The following DCC variants were observed in gnomAD, a reference collection of about 807,000 sequenced individuals.
The protein encoded by DCC is netrin receptor DCC.
A neutral mutation model predicts 172.5 loss-of-function variants in DCC; 58 were observed. That is an observed-to-expected ratio of 0.34 (90% confidence interval 0.27 to 0.42). The LOEUF is 0.42. Among genes scored for constraint, DCC ranks in the 10% least tolerant of loss-of-function variants. The probability of loss-of-function intolerance (pLI) is 1.00; values close to 1 mark genes in which losing one functional copy is unlikely to be tolerated. For missense variants in DCC, 1,740 were observed against 1,791.0 expected, an observed-to-expected ratio of 0.97 and a Z score of 0.51; for synonymous variants, 709 against 644.5, an observed-to-expected ratio of 1.10 and a Z score of -1.52.
chr18:52,377,857 C>T (rs1758979734), intron 1 of DCC, among the ~76,000 whole-genome samples: 3 of 151,926 alleles, frequency 2.0e-5, no homozygotes, highest in Admixed American at 2.0e-4. Context: ...CATGCATGCA[C>T]CGCCACTAAT....
chr18:52,636,516 C>T (rs1409329998), intron 1 of DCC, among the ~76,000 whole-genome samples: 1 of 152,134 alleles, frequency 6.6e-6, no homozygotes, highest in Non-Finnish European at 1.5e-5. Flanking sequence ...GTGAGACCAG[C>T]CCTTTGGTTT....
At chr18:52,581,268 G>A (rs1421885188) in intron 1 of DCC, among the ~76,000 whole-genome samples, 1 of 135,570 alleles carries the variant, frequency 7.4e-6, no homozygotes, top group Non-Finnish European at 1.7e-5. Context: ...ACATGGATTG[G>A]CATCACTGCT....
At chr18:53,023,395 TCAGACCA>T (rs2041909851) in intron 5 of DCC, among the ~76,000 whole-genome samples, 1 of 34,954 alleles carries the variant, frequency 2.9e-5, no homozygotes, top group Non-Finnish European at 5.1e-5. Flanking sequence ...CATATATAAC[TCAGACCA>T]AAAAAAAAAA....
chr18:53,234,005 C>T (rs546846819), intron 12 of DCC, among the ~76,000 whole-genome samples: 1 of 152,230 alleles, frequency 6.6e-6, no homozygotes, highest in African/African-American at 2.4e-5. Flanking sequence ...AGTCCCAGCA[C>T]TTTGGGAGGC....
At chr18:52,957,697 C>G (rs1424995516) in intron 5 of DCC, among the ~76,000 whole-genome samples, 1 of 152,016 alleles carries the variant, frequency 6.6e-6, no homozygotes, top group Non-Finnish European at 1.5e-5. Flanking sequence ...AAATTAGTGT[C>G]CAGGGCAAGA....
chr18:52,509,687 G>A (rs550695733), intron 1 of DCC, among the ~76,000 whole-genome samples: 25 of 152,248 alleles, frequency 1.6e-4, no homozygotes, highest in Non-Finnish European at 2.4e-4. Context: ...CCACTTACCC[G>A]AAGGCATTTA....
At chr18:52,759,816 G>A (rs975555215) in intron 2 of DCC, among the ~76,000 whole-genome samples, 1 of 152,032 alleles carries the variant, frequency 6.6e-6, no homozygotes, top group Non-Finnish European at 1.5e-5. Flanking sequence ...CAAGAAAAAA[G>A]CATAACAAAT....
intron 1 of DCC, among the ~76,000 whole-genome samples, chr18:52,408,641 A>G (rs1734123921): frequency 6.6e-6 from 1 of 152,236 alleles, no homozygotes; most frequent in Middle Eastern, 3.4e-3. Flanking sequence ...GTTATTTTAT[A>G]TTCCTCTGAA....
In DCC at chr18:53,358,520, T is replaced by TTC. The variant is rs1219703284; in HGVS notation, c.2359+18623_2359+18624dup. On this transcript the variant is annotated intron_variant, in intron 15 of 28. Coordinates refer to ENST00000442544, the MANE Select transcript of DCC (RefSeq NM_005215.4). ...AGGATACTAAGAAATGTAAGACATA[T>TTC]TCTCTCTCTCTTTTTTTTTTTTTTT... Among the ~76,000 whole-genome samples, 39 of 144,194 alleles carry TTC rather than the reference T, an allele frequency of 2.7e-4. 1 individual carries two copies. Among genetic ancestry groups the TTC allele is most frequent in the Middle Eastern group, 3.6e-3 (1 of 276 alleles). 94.6% of individuals were successfully genotyped at this position (144,194 alleles called of 152,430 possible). A position where few individuals can be genotyped will look rare whatever the true frequency, so the allele number is the denominator to read the frequency against.
intron 1 of DCC, among the ~76,000 whole-genome samples, chr18:52,455,903 G>A (rs536983419): frequency 1.8e-4 from 28 of 152,228 alleles, no homozygotes; most frequent in African/African-American, 4.1e-4. Context: ...CCCTACTTCC[G>A]TATGTAAGTT....
At chr18:53,227,557 TA>T (rs1368840016) in intron 12 of DCC, among the ~76,000 whole-genome samples, 2 of 152,182 alleles carry the variant, frequency 1.3e-5, no homozygotes, top group African/African-American at 4.8e-5. Context: ...GCATTTTGTA[TA>T]AAGTGTATGT....
Position 53,089,603 on chromosome 18 carries a change from A to C in DCC, c.1261+23437A>C, listed in dbSNP as rs944798962. On this transcript the variant is annotated intron_variant, in intron 7 of 28. Coordinates refer to ENST00000442544, the MANE Select transcript of DCC (RefSeq NM_005215.4). ...AAAAAAAAACCAAAAAACAAAAAAC[A>C]AAAAACAAAAAACTTAAACCTTCTT... 5.3e-5 allele frequency among the ~76,000 whole-genome samples: 8 copies of C among 152,026 alleles called. No homozygotes were observed. The South Asian group carries it at 1.7e-3, about 32-fold the overall frequency.
intron 5 of DCC, among the ~76,000 whole-genome samples, chr18:53,057,596 A>G (rs2042427961): frequency 6.6e-6 from 1 of 152,116 alleles, no homozygotes; most frequent in Non-Finnish European, 1.5e-5. Context: ...TTTATTCCAG[A>G]GAAGGAAAGT....
intron 2 of DCC, among the ~76,000 whole-genome samples, chr18:52,850,185 G>A (rs2038954032): frequency 6.6e-6 from 1 of 152,172 alleles, no homozygotes; most frequent in East Asian, 1.9e-4. Context: ...CAAGGGCAGA[G>A]CTTAAAGGAA....
chr18:52,978,761 C>T (rs991687268), intron 5 of DCC, among the ~76,000 whole-genome samples: 23 of 152,158 alleles, frequency 1.5e-4, no homozygotes, highest in African/African-American at 5.6e-4. Context: ...CATTGTATCA[C>T]TCTGTATGCC....
intron 13 of DCC, among the ~76,000 whole-genome samples, chr18:53,309,353 A>G (rs368508897): frequency 1.3e-5 from 2 of 152,082 alleles, no homozygotes; most frequent in East Asian, 3.9e-4. Flanking sequence ...TCCTCTTCCA[A>G]TTAGGACATT....
intron 25 of DCC, among the ~76,000 whole-genome samples, chr18:53,470,821 G>GC (rs990032597): frequency 6.6e-6 from 1 of 152,140 alleles, no homozygotes; most frequent in African/African-American, 2.4e-5. Flanking sequence ...GGGGGGAACT[G>GC]CCCCAATGAG....
At chr18:53,244,462 T>G (rs141558322) in intron 12 of DCC, among the ~76,000 whole-genome samples, 1 of 152,274 alleles carries the variant, frequency 6.6e-6, no homozygotes, top group Admixed American at 6.5e-5. Context: ...AATAACTTAT[T>G]ATCACTTGTG....
At chr18:53,459,614 A>G (rs2045526895) in intron 24 of DCC, among the ~76,000 whole-genome samples, 156 bp downstream of exon 24, 1 of 152,196 alleles carries the variant, frequency 6.6e-6, no homozygotes, top group South Asian at 2.1e-4. Flanking sequence ...TTGGTTGATT[A>G]ACCAATTATA....
Sources: gnomAD v4.1 joint callset for allele counts (sites outside exome capture counted in the v4.1 genomes callset) on GRCh38, gnomAD v4.1.1 for gene constraint, MANE v1.5 for transcripts, NCBI Gene and HGNC (gene_info 2026-07-23, HGNC 2026-07-21) for gene names.